Variants in PRKCH observed in about 807,000 individuals in gnomAD.
PRKCH encodes protein kinase C eta, also known as protein kinase C eta type.
A neutral mutation model predicts 82.5 loss-of-function variants in PRKCH; 28 were observed. The observed-to-expected ratio is 0.34, with a 90% confidence interval of 0.25 to 0.47. PRKCH has a LOEUF of 0.47. Ranked by LOEUF, PRKCH falls within the 20% of genes least tolerant of loss-of-function variation. PRKCH has a pLI of 1.00. For missense variants in PRKCH, 705 were observed against 881.8 expected, an observed-to-expected ratio of 0.80 and a Z score of 2.54; for synonymous variants, 322 against 327.4, an observed-to-expected ratio of 0.98 and a Z score of 0.18.
intron 1 of PRKCH, among the ~76,000 whole-genome samples, chr14:61,270,001 ACT>A (rs532275964): frequency 2.6e-5 from 4 of 151,734 alleles, no homozygotes; most frequent in Non-Finnish European, 5.9e-5. Context: ...AAAATGCAAG[ACT>A]CTATGACATG....
chr14:61,457,030 G>A (rs930373940), intron 7 of PRKCH, 146 bp from the exon 8 acceptor site: 4 of 827,262 alleles, frequency 4.8e-6, no homozygotes, highest in Middle Eastern at 3.6e-4. Context: ...TCGAGTGGCA[G>A]AACCGATCAT....
At chr14:61,409,050 T>A (rs1291059191) in intron 2 of PRKCH, among the ~76,000 whole-genome samples, 1 of 152,222 alleles carries the variant, frequency 6.6e-6, no homozygotes, top group African/African-American at 2.4e-5. Flanking sequence ...TGTTGGCTCT[T>A]TCTGAATCTG....
At chr14:61,540,859 C>T (rs535061398) in intron 12 of PRKCH, among the ~76,000 whole-genome samples, 1 of 152,274 alleles carries the variant, frequency 6.6e-6, no homozygotes, top group South Asian at 2.1e-4. Flanking sequence ...TCTCTTGGCT[C>T]GTCCAGTATT....
rs578004808 is a variant in PRKCH at position 61,240,915 on chromosome 14, G to GT, written c.-19+53253dup. On this transcript the variant is annotated intron_variant, in intron 1 of 3. Coordinates refer to the PRKCH transcript ENST00000555185. ...ACACTTCAGTAACTAAATGTGTGAG[G>GT]TTTTTTCCCCACACACCAAGCAAGC... is the stretch of plus-strand genomic sequence containing the variant. Among the ~76,000 whole-genome samples, 248 of 151,110 alleles carry GT rather than the reference G, an allele frequency of 1.6e-3. 1 individual carries two copies. The highest frequency in any genetic ancestry group is 5.6e-3 in the African/African-American group (232 of 41,084).
intron 1 of PRKCH, among the ~76,000 whole-genome samples, chr14:61,380,401 T>A (rs1199915236): frequency 6.6e-6 from 1 of 152,156 alleles, no homozygotes; most frequent in Non-Finnish European, 1.5e-5. Flanking sequence ...CCCTTCTTAG[T>A]TCTGGAGAGC....
chr14:61,251,307 T>G (rs1008191263), intron 1 of PRKCH, among the ~76,000 whole-genome samples: 12 of 152,144 alleles, frequency 7.9e-5, no homozygotes, highest in Admixed American at 2.0e-4. Flanking sequence ...TTATTCGTTC[T>G]TTCTAATTAT....
In PRKCH at chr14:61,359,484, C is replaced by G. The variant is rs1405686740; in HGVS notation, c.364-31741C>G. Among the ~76,000 whole-genome samples the G allele has an allele frequency of 2.0e-5, 3 of 152,222 alleles. No homozygotes were observed. In the East Asian group the frequency reaches 5.8e-4, roughly 29 times the overall value. ...GAACTTATGGTAATGTTAACACTTT[C>G]TATTTGCATAAGCACTTCCCTGTTG... On this transcript the variant is annotated intron_variant, in intron 1 of 13. Transcript: ENST00000332981.
chr14:61,257,964 C>T (rs1032820790), intron 1 of PRKCH, among the ~76,000 whole-genome samples: 1 of 125,724 alleles, frequency 8.0e-6, no homozygotes, highest in Non-Finnish European at 1.9e-5. Flanking sequence ...TTATATCATT[C>T]GTTTTATGGA....
chr14:61,396,727 C>G (rs1339374746), intron 2 of PRKCH, among the ~76,000 whole-genome samples: 2 of 151,922 alleles, frequency 1.3e-5, no homozygotes, highest in African/African-American at 2.4e-5. Context: ...ACAGTTTGTA[C>G]AAGAAACGAA....
chr14:61,499,564 G>T (rs1425364024), intron 10 of PRKCH, among the ~76,000 whole-genome samples: 2 of 152,072 alleles, frequency 1.3e-5, no homozygotes, highest in Admixed American at 1.3e-4. Context: ...GTAAGCCTGT[G>T]CTTTCACGTA....
intron 1 of PRKCH, among the ~76,000 whole-genome samples, chr14:61,349,631 G>T (rs1373784726): frequency 6.6e-6 from 1 of 152,118 alleles, no homozygotes; most frequent in Non-Finnish European, 1.5e-5. Flanking sequence ...GGGAGGCCGA[G>T]GTGGGTGGAT....
chr14:61,384,808 T>C (rs1443794825), intron 1 of PRKCH, among the ~76,000 whole-genome samples: 1 of 152,010 alleles, frequency 6.6e-6, no homozygotes, highest in Non-Finnish European at 1.5e-5. Flanking sequence ...GACTCAAAAG[T>C]GTAGAACAGA....
intron 1 of PRKCH, among the ~76,000 whole-genome samples, chr14:61,351,353 C>T (rs968738864): frequency 1.3e-5 from 2 of 152,168 alleles, no homozygotes; most frequent in African/African-American, 4.8e-5. Context: ...ATTCTGCCAC[C>T]CTTCCTGGAG....
chr14:61,209,926 G>C (rs1007674056), intron 1 of PRKCH, among the ~76,000 whole-genome samples: 7 of 151,388 alleles, frequency 4.6e-5, no homozygotes, highest in African/African-American at 1.7e-4. Flanking sequence ...TTCTGAGTTA[G>C]TTCACTGCAA....
intron 1 of PRKCH, among the ~76,000 whole-genome samples, chr14:61,268,221 T>C (rs1350645073): frequency 6.6e-6 from 1 of 152,096 alleles, no homozygotes; most frequent in Non-Finnish European, 1.5e-5. Flanking sequence ...ATGCCATGGA[T>C]TGTGAGAAGC....
At position 61,280,537 on chromosome 14, in the gene PRKCH, A is replaced by G; in HGVS notation, c.-19+92869A>G. 1 of 1,612,196 alleles carries G rather than the reference A, an allele frequency of 6.2e-7. No individual in the cohort carries two copies. The highest frequency in any genetic ancestry group is 8.5e-7 in the Non-Finnish European group (1 of 1,179,420). On this transcript the variant is annotated intron_variant, in intron 1 of 3. Transcript: ENST00000555185. This position sits in a 1 kb window ranked among gnomAD's most constrained non-coding sequence, Gnocchi z 5.0. The stretch of plus-strand genomic sequence containing the variant: ...GACCAGCGGCGGGTTGCGGAACTTG[A>G]CGTGGTAGTCGGTCCACCAGGCGAT...
chr14:61,446,674 A>C (rs1007016664), intron 4 of PRKCH, among the ~76,000 whole-genome samples: 4 of 152,252 alleles, frequency 2.6e-5, no homozygotes, highest in African/African-American at 9.6e-5. Flanking sequence ...ATATGACAGC[A>C]ATAATTGACC....
At chr14:61,339,974 T>A (rs2140137015) in intron 1 of PRKCH, among the ~76,000 whole-genome samples, 1 of 152,164 alleles carries the variant, frequency 6.6e-6, no homozygotes, top group East Asian at 2.0e-4. Context: ...AGTGAGCCAC[T>A]GTGCCTGGCG....
chr14:61,549,070 A>C (rs1266607598), intron 13 of PRKCH, among the ~76,000 whole-genome samples: 1 of 152,150 alleles, frequency 6.6e-6, no homozygotes, highest in Non-Finnish European at 1.5e-5. Flanking sequence ...CGTTCCTTCA[A>C]TGGTCAGCCC....
Sources: gnomAD v4.1 joint callset for allele counts (sites outside exome capture counted in the v4.1 genomes callset) on GRCh38, gnomAD v4.1.1 for gene constraint, Gnocchi (gnomAD v3.1) non-coding constraint, MANE v1.5 for transcripts, NCBI Gene and HGNC (gene_info 2026-07-23, HGNC 2026-07-21) for gene names.